LINGO2: variants seen among roughly 807,000 people sequenced by gnomAD.
LINGO2 encodes the protein leucine-rich repeat and immunoglobulin-like domain-containing nogo receptor-interacting protein 2.
A neutral mutation model predicts 30.6 loss-of-function variants in LINGO2; 14 were observed. The observed-to-expected ratio is 0.46, with a 90% confidence interval of 0.30 to 0.72. LINGO2 has a LOEUF of 0.72. Among genes scored for constraint, LINGO2 ranks in the 30% least tolerant of loss-of-function variants. The pLI, the probability that LINGO2 is intolerant of heterozygous loss-of-function variation, is 0.07. For missense variants in LINGO2, 729 were observed against 751.7 expected, an observed-to-expected ratio of 0.97 and a Z score of 0.35; for synonymous variants, 317 against 288.5, an observed-to-expected ratio of 1.10 and a Z score of -1.00.
At chr9:28,534,477 C>A (rs2135438632) in intron 1 of LINGO2, among the ~76,000 whole-genome samples, 1 of 152,274 alleles carries the variant, frequency 6.6e-6, no homozygotes, top group East Asian at 1.9e-4. Flanking sequence ...TCTTATTCCA[C>A]AACTAACCAA....
chr9:28,510,823 C>T (rs920162383), intron 1 of LINGO2, among the ~76,000 whole-genome samples: 2 of 151,988 alleles, frequency 1.3e-5, no homozygotes, highest in Non-Finnish European at 2.9e-5. Flanking sequence ...TTAACTTACA[C>T]AATCAGAAGC....
the LINGO2 span, among the ~76,000 whole-genome samples, chr9:28,881,249 G>A: frequency 3.3e-5 from 5 of 152,106 alleles, no homozygotes; most frequent in African/African-American, 1.2e-4. Flanking sequence ...TCAGCCTCCT[G>A]AGTAGCTGGG....
the LINGO2 span, among the ~76,000 whole-genome samples, chr9:29,057,560 G>A: frequency 6.6e-6 from 1 of 152,166 alleles, no homozygotes; most frequent in African/African-American, 2.4e-5. Flanking sequence ...TGTTCCTGAG[G>A]ATTTTACTAT....
At chr9:28,087,019 G>T (rs572394264) in intron 4 of LINGO2, among the ~76,000 whole-genome samples, 2 of 152,190 alleles carry the variant, frequency 1.3e-5, no homozygotes, top group African/African-American at 4.8e-5. Context: ...TTCAAGCCCA[G>T]GCTTCACATG....
chr9:29,093,132 G>GT, the LINGO2 span, among the ~76,000 whole-genome samples: 1 of 128,804 alleles, frequency 7.8e-6, no homozygotes, highest in Non-Finnish European at 1.6e-5. Flanking sequence ...TTTGTTTATA[G>GT]TTTTTTATAC....
intron 3 of LINGO2, among the ~76,000 whole-genome samples, chr9:28,322,954 A>T (rs1587465835): frequency 6.6e-6 from 1 of 152,098 alleles, no homozygotes; most frequent in Non-Finnish European, 1.5e-5. Context: ...TTAAAAACTG[A>T]CCTCCTTGAA....
intron 5 of LINGO2, among the ~76,000 whole-genome samples, chr9:27,995,499 C>T (rs939803264): frequency 6.6e-6 from 1 of 152,030 alleles, no homozygotes; most frequent in Non-Finnish European, 1.5e-5. Flanking sequence ...ATTAGCAAAC[C>T]AAATTGAACA....
At chr9:28,472,525 A>T (rs1825563985) in intron 2 of LINGO2, among the ~76,000 whole-genome samples, 1 of 152,140 alleles carries the variant, frequency 6.6e-6, no homozygotes. Flanking sequence ...GGTTGTCCTA[A>T]CGTTTAAAGA....
At chr9:28,027,915 C>A (rs1823461915) in intron 4 of LINGO2, among the ~76,000 whole-genome samples, 1 of 151,938 alleles carries the variant, frequency 6.6e-6, no homozygotes, top group Non-Finnish European at 1.5e-5. Context: ...CCAGGATTGG[C>A]CCCAAAAGTA....
the LINGO2 span, among the ~76,000 whole-genome samples, chr9:28,920,076 T>C: frequency 1.3e-5 from 2 of 152,140 alleles, no homozygotes; most frequent in Non-Finnish European, 2.9e-5. Flanking sequence ...CATCACCCTG[T>C]AAATATACAT....
At chr9:29,035,277 T>G in the LINGO2 span, among the ~76,000 whole-genome samples, 1 of 151,982 alleles carries the variant, frequency 6.6e-6, no homozygotes, top group South Asian at 2.1e-4. Context: ...TCACATAGAT[T>G]GTGGTCATTT....
At chr9:28,367,385 AT>A (rs1458720497) in intron 3 of LINGO2, among the ~76,000 whole-genome samples, 3 of 151,940 alleles carry the variant, frequency 2.0e-5, no homozygotes, top group Non-Finnish European at 1.5e-5. Flanking sequence ...TTCTTTCTAT[AT>A]TTTTGCTGCA....
intron 4 of LINGO2, among the ~76,000 whole-genome samples, chr9:28,117,185 G>A (rs557353242): frequency 8.6e-5 from 13 of 151,848 alleles, no homozygotes; most frequent in Middle Eastern, 6.8e-3. Context: ...AGGTGTCAGT[G>A]TGCCCCTGGT....
chr9:28,952,586 C>T, the LINGO2 span, among the ~76,000 whole-genome samples: 19 of 152,256 alleles, frequency 1.2e-4, no homozygotes, highest in African/African-American at 4.6e-4. Context: ...CGAGGACTTG[C>T]ATCTTCTCCT....
chr9:28,020,859 CT>C (rs1427947069), intron 4 of LINGO2, among the ~76,000 whole-genome samples: 1 of 152,032 alleles, frequency 6.6e-6, no homozygotes, highest in Non-Finnish European at 1.5e-5. Flanking sequence ...TTTAAACCTC[CT>C]TGGAATCTAT....
chr9:28,314,843 G>C (rs1824775647), intron 3 of LINGO2, among the ~76,000 whole-genome samples: 1 of 151,634 alleles, frequency 6.6e-6, no homozygotes, highest in Admixed American at 6.6e-5. Flanking sequence ...AAATTAGCCG[G>C]GCGTGGTGGC....
intron 4 of LINGO2, among the ~76,000 whole-genome samples, chr9:28,030,906 T>C (rs1375217643): frequency 6.6e-6 from 1 of 152,156 alleles, no homozygotes; most frequent in Non-Finnish European, 1.5e-5. Flanking sequence ...TTCGCTTGCA[T>C]ACCATTGACA....
At chr9:28,918,424 A>G in the LINGO2 span, among the ~76,000 whole-genome samples, 2 of 152,196 alleles carry the variant, frequency 1.3e-5, no homozygotes, top group South Asian at 4.1e-4. Flanking sequence ...ACACAGATCA[A>G]TGAAAAATAA....
At chr9:29,115,845 A>G in the LINGO2 span, among the ~76,000 whole-genome samples, 1 of 152,160 alleles carries the variant, frequency 6.6e-6, no homozygotes, top group Non-Finnish European at 1.5e-5. Flanking sequence ...TATTTTCACA[A>G]TCACAAACAT....
Sources: gnomAD v4.1 joint callset for allele counts (sites outside exome capture counted in the v4.1 genomes callset) on GRCh38, gnomAD v4.1.1 for gene constraint, MANE v1.5 for transcripts, NCBI Gene and HGNC (gene_info 2026-07-23, HGNC 2026-07-21) for gene names.